TMEM132D: variants seen among roughly 807,000 people sequenced by gnomAD.
TMEM132D encodes the protein mature OL transmembrane protein.
TMEM132D carries 21 observed loss-of-function variants against 62.3 expected under a neutral mutation model. The observed-to-expected ratio is 0.34, with a 90% confidence interval of 0.24 to 0.49. The LOEUF (loss-of-function observed/expected upper bound fraction) is 0.49. TMEM132D is among the 20% of genes least tolerant of loss of function. TMEM132D has a pLI of 0.99. For synonymous variants in TMEM132D, 621 were observed against 575.6 expected (o/e 1.08, Z -1.13); for missense variants, 1,346 against 1,402.8 (o/e 0.96, Z 0.65).
intron 1 of TMEM132D, among the ~76,000 whole-genome samples, chr12:129,794,638 C>T (rs182060679): frequency 2.0e-5 from 3 of 152,016 alleles, no homozygotes; most frequent in East Asian, 1.9e-4. Context: ...TTGCCCATTA[C>T]GTTTTACAGA....
At chr12:129,571,329 G>T (rs1877507081) in intron 2 of TMEM132D, among the ~76,000 whole-genome samples, 1 of 152,202 alleles carries the variant, frequency 6.6e-6, no homozygotes, top group Admixed American at 6.5e-5. Context: ...ACTTTGGGAG[G>T]CCGAGGCAAG....
chr12:129,592,475 T>G, intron 2 of TMEM132D, among the ~76,000 whole-genome samples: 1 of 152,244 alleles, frequency 6.6e-6, no homozygotes, highest in East Asian at 1.9e-4. Context: ...TTGGCTCAAC[T>G]TCTAAGCATT....
intron 3 of TMEM132D, among the ~76,000 whole-genome samples, chr12:129,408,965 C>G (rs980878025): frequency 2.0e-5 from 3 of 152,106 alleles, no homozygotes; most frequent in African/African-American, 7.2e-5. Flanking sequence ...TGGAGTCTTG[C>G]TCTTTCGCCC....
At chr12:129,421,943 G>C (rs1419128363) in intron 3 of TMEM132D, among the ~76,000 whole-genome samples, 2 of 152,102 alleles carry the variant, frequency 1.3e-5, no homozygotes, top group Admixed American at 1.3e-4. Flanking sequence ...GTCTACCAAA[G>C]TGAAGGTACA....
At chr12:129,271,204 A>T (rs1296032171) in intron 4 of TMEM132D, among the ~76,000 whole-genome samples, 1 of 149,270 alleles carries the variant, frequency 6.7e-6, no homozygotes, top group Non-Finnish European at 1.5e-5. Context: ...AGGAAAAAAA[A>T]TAAGACACCC....
chr12:129,404,928 ATTTTT>A (rs1403984577), intron 3 of TMEM132D, among the ~76,000 whole-genome samples: 1 of 152,116 alleles, frequency 6.6e-6, no homozygotes, highest in Non-Finnish European at 1.5e-5. Flanking sequence ...AAGATCATTT[ATTTTT>A]TTAATATGAA....
chr12:129,903,431 C>T lies in TMEM132D; in HGVS notation c.-92G>A. 1 of 1,395,936 alleles carries T rather than the reference C, an allele frequency of 7.2e-7. No homozygotes were observed. Among genetic ancestry groups the T allele is most frequent in the Non-Finnish European group, 9.9e-7 (1 of 1,015,044 alleles). The allele number at this position is 1,395,936 out of a possible 1,614,324, so 86.5% of individuals were successfully genotyped here. A position where few individuals can be genotyped will look rare whatever the true frequency, so the allele number is the denominator to read the frequency against. ...GTCCCCTAGAGGCCCGCAGCGGGGC[C>T]GGTGGCGAGGGAGCGCCCGGCTAGG... On this transcript the variant is annotated 5_prime_UTR_variant, in exon 1 of 9. Coordinates refer to ENST00000422113, the MANE Select transcript of TMEM132D (RefSeq NM_133448.3). The surrounding 1 kb of genome is among the most constrained non-coding windows in gnomAD (Gnocchi z 6.2).
At chr12:129,730,684 C>T (rs1869201984) in intron 1 of TMEM132D, among the ~76,000 whole-genome samples, 1 of 151,834 alleles carries the variant, frequency 6.6e-6, no homozygotes, top group African/African-American at 2.4e-5. Flanking sequence ...GAAAAGCAGA[C>T]CCACCCTCAT....
intron 5 of TMEM132D, among the ~76,000 whole-genome samples, chr12:129,163,827 G>A (rs1237141119): frequency 6.6e-6 from 1 of 152,228 alleles, no homozygotes; most frequent in East Asian, 1.9e-4. Context: ...GACTGATACA[G>A]CGATAATTGG....
intron 3 of TMEM132D, among the ~76,000 whole-genome samples, chr12:129,477,127 T>C (rs1874286820): frequency 1.3e-5 from 2 of 152,248 alleles, no homozygotes; most frequent in Admixed American, 6.5e-5. Flanking sequence ...GGATGTTTAG[T>C]AGCATTCCTG....
intron 3 of TMEM132D, among the ~76,000 whole-genome samples, chr12:129,394,746 C>T (rs1024270171): frequency 5.9e-5 from 9 of 152,224 alleles, no homozygotes; most frequent in African/African-American, 1.4e-4. Context: ...ATTAAAAAGA[C>T]CACATACTGT....
At chr12:129,202,990 C>G (rs921567836) in intron 5 of TMEM132D, among the ~76,000 whole-genome samples, 43 of 152,198 alleles carry the variant, frequency 2.8e-4, no homozygotes, top group African/African-American at 1.0e-3. Flanking sequence ...CTGCTACATG[C>G]CTAGTGTTAA....
intron 5 of TMEM132D, among the ~76,000 whole-genome samples, chr12:129,167,155 G>GTT (rs1217030175): frequency 3.5e-5 from 4 of 114,658 alleles, no homozygotes; most frequent in Non-Finnish European, 6.6e-5. Flanking sequence ...GTGAGACTCT[G>GTT]TTTAAAAAAA....
At chr12:129,083,631 C>A (rs1217013985) in intron 6 of TMEM132D, among the ~76,000 whole-genome samples, 9 of 152,186 alleles carry the variant, frequency 5.9e-5, no homozygotes, top group Non-Finnish European at 1.3e-4. Context: ...AATGAGCTTG[C>A]AAGGAAGGGA....
intron 5 of TMEM132D, among the ~76,000 whole-genome samples, chr12:129,157,343 A>G (rs1877277595): frequency 6.6e-6 from 1 of 152,228 alleles, no homozygotes; most frequent in South Asian, 2.1e-4. Flanking sequence ...ACTCTGGGGG[A>G]CACATTCAAA....
chr12:129,685,504 T>C (rs1880886291), intron 2 of TMEM132D, among the ~76,000 whole-genome samples: 2 of 152,174 alleles, frequency 1.3e-5, no homozygotes, highest in South Asian at 4.1e-4. Flanking sequence ...TTTCAGAGGA[T>C]GTATGGAAAT....
At chr12:129,554,534 A>G (rs1296866944) in intron 2 of TMEM132D, among the ~76,000 whole-genome samples, 1 of 152,098 alleles carries the variant, frequency 6.6e-6, no homozygotes, top group East Asian at 1.9e-4. Flanking sequence ...ATGGTACAGT[A>G]CTTTATGTTC....
intron 3 of TMEM132D, among the ~76,000 whole-genome samples, chr12:129,369,204 G>A (rs999505713): frequency 6.6e-6 from 1 of 152,210 alleles, no homozygotes; most frequent in Non-Finnish European, 1.5e-5. Flanking sequence ...GGGCATATCT[G>A]TGGTGTCTGT....
At chr12:129,243,833 A>G (rs1303365445) in intron 4 of TMEM132D, among the ~76,000 whole-genome samples, 3 of 152,244 alleles carry the variant, frequency 2.0e-5, no homozygotes, top group Non-Finnish European at 2.9e-5. Flanking sequence ...TTAGTTAACA[A>G]CTGATTGAAT....
Sources: gnomAD v4.1 joint callset for allele counts (sites outside exome capture counted in the v4.1 genomes callset) on GRCh38, gnomAD v4.1.1 for gene constraint, Gnocchi (gnomAD v3.1) non-coding constraint, MANE v1.5 for transcripts, NCBI Gene and HGNC (gene_info 2026-07-23, HGNC 2026-07-21) for gene names.